CACNA2D4: variants seen among roughly 807,000 people sequenced by gnomAD.
The protein encoded by CACNA2D4 is voltage-dependent calcium channel subunit alpha-2/delta-4.
A neutral mutation model predicts 163.8 loss-of-function variants in CACNA2D4; 157 were observed. The observed-to-expected ratio is 0.96, with a 90% CI of 0.84 to 1.09. The LOEUF (loss-of-function observed/expected upper bound fraction) is 1.09, where lower values mean the gene tolerates loss of function less well. CACNA2D4 is among the 50% of genes least tolerant of loss of function. The pLI is 0.00. For synonymous variants in CACNA2D4, 598 were observed against 586.9 expected (o/e 1.02, Z -0.27); for missense variants, 1,410 against 1,479.9 (o/e 0.95, Z 0.78).
Position 1,864,462 on chromosome 12 carries a change from A to G in CACNA2D4, c.1879-4256T>C, listed in dbSNP as rs569565130. ...GTATGGCAAATGCTGCAAGATGAAC[A>G]TCCCATTTGATGAAGCACATTTGAG... On this transcript the variant is annotated intron_variant, in intron 18 of 37. Coordinates refer to ENST00000382722, the MANE Select transcript of CACNA2D4 (RefSeq NM_172364.5). Among the ~76,000 whole-genome samples, 21 of 152,376 alleles carry G rather than the reference A, an allele frequency of 1.4e-4. No individual in the cohort carries two copies. In the South Asian group the frequency reaches 4.3e-3, roughly 32 times the overall value.
chr12:1,802,728 G>C lies in CACNA2D4; in HGVS notation c.2722-1084C>G, dbSNP rs1863382197. ...GAGAGGTCCGGGGTCCGGCTTGGCT[G>C]TTCTCCCTGCCGATTACCCTTCCTC... On this transcript the variant is annotated intron_variant, in intron 29 of 37. Transcript: ENST00000382722. This position sits in a 1 kb window ranked among gnomAD's most constrained non-coding sequence, Gnocchi z 4.7. 6.6e-6 allele frequency among the ~76,000 whole-genome samples: 1 copy of C among 152,216 alleles called. No homozygotes were observed.
At chr12:1,847,708 G>A (rs1393518554) in intron 23 of CACNA2D4, among the ~76,000 whole-genome samples, 1 of 152,136 alleles carries the variant, frequency 6.6e-6, no homozygotes, top group South Asian at 2.1e-4. Context: ...GGGCTAATGG[G>A]TCTCACTACC....
At chr12:1,896,647 ACACACAC>A (rs1866412450) in intron 6 of CACNA2D4, among the ~76,000 whole-genome samples, 9 of 148,080 alleles carry the variant, frequency 6.1e-5, no homozygotes, top group Non-Finnish European at 8.9e-5. Flanking sequence ...ACACACACAC[ACACACAC>A]AAAACAGATG....
chr12:1,908,785 G>A (rs1426135850), intron 4 of CACNA2D4, among the ~76,000 whole-genome samples: 1 of 97,200 alleles, frequency 1.0e-5, no homozygotes, highest in Non-Finnish European at 1.8e-5. Context: ...ACATCCCCAC[G>A]CCAACTCCCA....
At chr12:1,860,417 G>A (rs937178251) in intron 18 of CACNA2D4, among the ~76,000 whole-genome samples, 2 of 152,250 alleles carry the variant, frequency 1.3e-5, no homozygotes, top group Non-Finnish European at 2.9e-5. Context: ...TTTGGGGCGT[G>A]GCCTGGATTT....
chr12:1,884,433 T>C, intron 11 of CACNA2D4, 112 bp from the exon 12 acceptor site: 6 of 843,208 alleles, frequency 7.1e-6, no homozygotes, highest in Non-Finnish European at 1.2e-5. Flanking sequence ...AGTCTTCGGG[T>C]TCTCCAATTT....
intron 26 of CACNA2D4, chr12:1,836,506 G>C (rs1864866098): frequency 1.3e-5 from 2 of 152,444 alleles, no homozygotes; most frequent in African/African-American, 4.8e-5. Context: ...AGTCCTGGCA[G>C]GTGGACAGAG....
rs777008446 is a variant in CACNA2D4 at position 1,795,766 on chromosome 12, T to A, written c.3128A>T (p.Gln1043Leu). The change falls in exon 36 of 38, where the codon CAG (glutamine) becomes CTG (leucine). Residue 1043 changes from glutamine to leucine, a missense_variant. Coordinates refer to ENST00000382722, the MANE Select transcript of CACNA2D4 (RefSeq NM_172364.5). ...CGPCQKVFVVQQIPNSNLLLL... is the reference protein window; with the variant it reads ...CGPCQKVFVVLQIPNSNLLLL... The stretch of plus-strand genomic sequence containing the variant: ...GAGGAGGTTACTGTTGGGAATCTGC[T>A]GCACCACAAATACCCTGCAGCAAAG... The A allele has an allele frequency of 6.2e-7, 1 of 1,610,536 alleles. No homozygotes were observed. The highest frequency in any genetic ancestry group is 8.5e-7 in the Non-Finnish European group (1 of 1,176,776).
At chr12:1,841,581 C>T (rs1379019237) in intron 25 of CACNA2D4, among the ~76,000 whole-genome samples, 1 of 152,248 alleles carries the variant, frequency 6.6e-6, no homozygotes, top group Non-Finnish European at 1.5e-5. Context: ...TCTTAATTCT[C>T]ATCAGTCCTT....
intron 6 of CACNA2D4, among the ~76,000 whole-genome samples, chr12:1,890,753 C>A (rs1174710920): frequency 2.0e-5 from 3 of 152,230 alleles, no homozygotes; most frequent in Non-Finnish European, 2.9e-5. Flanking sequence ...CCTGACCTGG[C>A]TCTCTGTTCC....
Position 1,834,234 on chromosome 12 carries a change from T to C in CACNA2D4, c.2551+6505A>G, listed in dbSNP as rs750898578. ...AGAGGGAGTGCAAGTTCTAGATGCC[T>C]GGTCAGCCCCTCTTTTTCTCTTCTG... On this transcript the variant is annotated intron_variant, in intron 26 of 37. Coordinates refer to ENST00000382722, the MANE Select transcript of CACNA2D4 (RefSeq NM_172364.5). This position sits in a 1 kb window ranked among gnomAD's most constrained non-coding sequence, Gnocchi z 7.6. 2.6e-6 allele frequency: 4 copies of C among 1,522,176 alleles called. No homozygotes were observed. Among genetic ancestry groups the C allele is most frequent in the Non-Finnish European group, 3.5e-6 (4 of 1,134,454 alleles). The allele number at this position is 1,522,176 out of a possible 1,614,324, so 94.3% of individuals were successfully genotyped here. A position where few individuals can be genotyped will look rare whatever the true frequency, so the allele number is the denominator to read the frequency against.
At chr12:1,886,072 G>A (rs1186378661) in intron 8 of CACNA2D4, 33 bp from the exon 9 acceptor site, 1 of 1,584,698 alleles carries the variant, frequency 6.3e-7, no homozygotes, top group Admixed American at 1.7e-5. Context: ...GGAGGTGGGG[G>A]GAGAATAAAC....
intron 26 of CACNA2D4, among the ~76,000 whole-genome samples, chr12:1,839,691 A>ACC (rs895040152): frequency 1.3e-5 from 2 of 152,218 alleles, no homozygotes; most frequent in African/African-American, 4.8e-5. Context: ...CACACGCTGA[A>ACC]CACACACACT....
chr12:1,859,536 C>T (rs1181930788), intron 19 of CACNA2D4, among the ~76,000 whole-genome samples: 1 of 152,208 alleles, frequency 6.6e-6, no homozygotes, highest in East Asian at 1.9e-4. Flanking sequence ...TCTACAGTTG[C>T]ACGGAACCTG....
At position 1,875,087 on chromosome 12, in the gene CACNA2D4, T is replaced by C. The variant is rs1486098518; in HGVS notation, c.1806+164A>G. ...TTTTTATAGTTGTTAAAAGAATTGC[T>C]CATTTTAGGCATTGCTTGTGGCTTG... is the stretch of plus-strand genomic sequence containing the variant. On this transcript the variant is annotated intron_variant, in intron 17 of 37. Transcript: ENST00000382722. The surrounding 1 kb of genome is among the most constrained non-coding windows in gnomAD (Gnocchi z 4.0). Among the ~76,000 whole-genome samples the C allele has an allele frequency of 6.6e-6, 1 of 152,240 alleles. No homozygotes were observed. The highest frequency in any genetic ancestry group is 1.5e-5 in the Non-Finnish European group (1 of 68,050).
chr12:1,851,651 T>TGTGTGTG (rs1865281874), intron 23 of CACNA2D4, among the ~76,000 whole-genome samples: 1 of 118,580 alleles, frequency 8.4e-6, no homozygotes, highest in Non-Finnish European at 1.6e-5. Context: ...TGGTGTGTGT[T>TGTGTGTG]TGTGTGTGTG....
intron 6 of CACNA2D4, among the ~76,000 whole-genome samples, chr12:1,901,484 T>C (rs1419310991): frequency 6.6e-6 from 1 of 151,728 alleles, no homozygotes; most frequent in Admixed American, 6.6e-5. Context: ...CTTAAATATA[T>C]AAAATCATAG....
intron 6 of CACNA2D4, among the ~76,000 whole-genome samples, chr12:1,903,574 G>A (rs1866587138): frequency 6.6e-6 from 1 of 151,828 alleles, no homozygotes; most frequent in South Asian, 2.1e-4. Flanking sequence ...GAATGTACGT[G>A]TCTCAAAAGA....
At chr12:1,826,406 C>T (rs1050072379) in intron 26 of CACNA2D4, among the ~76,000 whole-genome samples, 10 of 57,004 alleles carry the variant, frequency 1.8e-4, no homozygotes, top group South Asian at 7.9e-4. Flanking sequence ...CAGAGCCCCC[C>T]CCCCCCCCCC....
Sources: allele counts gnomAD v4.1 joint callset (sites outside exome capture counted in the v4.1 genomes callset), GRCh38; gene constraint gnomAD v4.1.1; non-coding constraint Gnocchi (gnomAD v3.1); transcripts MANE v1.5; gene names NCBI Gene and HGNC (gene_info 2026-07-23, HGNC 2026-07-21).